Variants in CFAP77 observed in about 807,000 individuals in gnomAD.
The protein encoded by CFAP77 is cilia- and flagella-associated protein 77.
Under a neutral mutation model 31.1 loss-of-function variants are expected in CFAP77, and 25 were observed. The ratio of observed to expected loss-of-function variants is 0.80; its 90% confidence interval spans 0.59 to 1.12. The LOEUF (loss-of-function observed/expected upper bound fraction) is 1.12. Among genes scored for constraint, CFAP77 ranks in the 50% most tolerant of loss-of-function variants. The pLI is 0.00. For missense variants in CFAP77, 377 were observed against 397.3 expected (o/e 0.95, Z 0.44); for synonymous variants, 151 against 159.9 (o/e 0.94, Z 0.42).
intron 4 of CFAP77, among the ~76,000 whole-genome samples, chr9:132,542,257 G>A (rs1236161420): frequency 2.6e-5 from 4 of 152,168 alleles, no homozygotes; most frequent in Admixed American, 6.5e-5. Context: ...ATCCCCAGCC[G>A]CCTACGCCCC....
In CFAP77 at chr9:132,424,065, CT is replaced by C. The variant is rs1434887129; in HGVS notation, c.195+13600del. On this transcript the variant is annotated intron_variant, in intron 1 of 5. Coordinates refer to ENST00000393216, the MANE Select transcript of CFAP77 (RefSeq NM_001282957.2). This position sits in a 1 kb window ranked among gnomAD's most constrained non-coding sequence, Gnocchi z 4.1. ...ACGTGCACCTACGGCCAGAAGTTGA[CT>C]GCACAAGGCTGAAACCAATGCAGCC... Among the ~76,000 whole-genome samples, 1 of 152,174 alleles carries C rather than the reference CT, an allele frequency of 6.6e-6. No homozygotes were observed. Among genetic ancestry groups the C allele is most frequent in the Non-Finnish European group, 1.5e-5 (1 of 68,036 alleles).
intron 1 of CFAP77, among the ~76,000 whole-genome samples, chr9:132,436,694 A>G (rs1850510445): frequency 6.6e-6 from 1 of 152,192 alleles, no homozygotes; most frequent in Admixed American, 6.5e-5. Flanking sequence ...CCACCATTCC[A>G]CATTTGAAGC....
intron 1 of CFAP77, among the ~76,000 whole-genome samples, chr9:132,448,263 T>C (rs747537107): frequency 1.3e-5 from 2 of 152,092 alleles, no homozygotes; most frequent in Non-Finnish European, 2.9e-5. Context: ...CTGGGAAGGA[T>C]TGTGGCCTCA....
chr9:132,486,871 T>G (rs747366291), intron 1 of CFAP77, among the ~76,000 whole-genome samples: 1 of 152,252 alleles, frequency 6.6e-6, no homozygotes, highest in Non-Finnish European at 1.5e-5. Flanking sequence ...GGTGGGGCCC[T>G]GTCACCGTGA....
At chr9:132,479,567 C>T (rs1409309994) in intron 1 of CFAP77, among the ~76,000 whole-genome samples, 3 of 152,240 alleles carry the variant, frequency 2.0e-5, no homozygotes, top group Non-Finnish European at 4.4e-5. Context: ...CCAATCACCT[C>T]CCACCAGTGA....
At chr9:132,454,730 A>G (rs1850884381) in intron 1 of CFAP77, among the ~76,000 whole-genome samples, 3 of 152,230 alleles carry the variant, frequency 2.0e-5, no homozygotes, top group African/African-American at 7.2e-5. Context: ...GAGAAGGCAG[A>G]CATACCTATA....
chr9:132,558,596 T>G (rs969588906), intron 5 of CFAP77, among the ~76,000 whole-genome samples: 5 of 151,494 alleles, frequency 3.3e-5, no homozygotes, highest in Non-Finnish European at 7.4e-5. Flanking sequence ...TCCCAGCTAC[T>G]CAGGAGGCTG....
At chr9:132,423,294 G>A (rs1850255799) in intron 1 of CFAP77, among the ~76,000 whole-genome samples, 1 of 152,202 alleles carries the variant, frequency 6.6e-6, no homozygotes, top group South Asian at 2.1e-4. Context: ...GATGCTCACG[G>A]GTCTGACTTC....
In CFAP77 at chr9:132,480,580, G is replaced by T. The variant is rs907706634; in HGVS notation, c.196-18115G>T. 6.6e-6 allele frequency among the ~76,000 whole-genome samples: 1 copy of T among 152,222 alleles called. No individual in the cohort carries two copies. Among genetic ancestry groups the T allele is most frequent in the Non-Finnish European group, 1.5e-5 (1 of 68,032 alleles). ...CCCGTGCTCACCCAGCTGACCTGCC[G>T]CAGAGTGAGACGTGGCAGAAACCAC... On this transcript the variant is annotated intron_variant, in intron 1 of 5. Coordinates refer to ENST00000393216, the MANE Select transcript of CFAP77 (RefSeq NM_001282957.2). This position sits in a 1 kb window ranked among gnomAD's most constrained non-coding sequence, Gnocchi z 5.8.
chr9:132,546,499 GAAAT>G (rs1031084895), intron 5 of CFAP77, among the ~76,000 whole-genome samples: 6 of 152,208 alleles, frequency 3.9e-5, no homozygotes, highest in African/African-American at 1.4e-4. Flanking sequence ...AACTCTGTCA[GAAAT>G]AATTAAACAC....
rs889224444 is a variant in CFAP77 at position 132,554,895 on chromosome 9, T to G, written c.732+11848T>G. Among the ~76,000 whole-genome samples the G allele has an allele frequency of 6.6e-6, 1 of 151,590 alleles. No individual in the cohort carries two copies. Among genetic ancestry groups the G allele is most frequent in the African/African-American group, 2.4e-5 (1 of 41,212 alleles). On this transcript the variant is annotated intron_variant, in intron 5 of 5. Transcript: ENST00000393216. This position sits in a 1 kb window ranked among gnomAD's most constrained non-coding sequence, Gnocchi z 4.1. ...ATTCATTCATCTATCCAACCATCTA[T>G]CTATCCATCCATCTATGCATGCATG...
intron 1 of CFAP77, among the ~76,000 whole-genome samples, chr9:132,411,860 TACACAC>T (rs3079550): frequency 0.032 from 4,716 of 148,214 alleles, 157 homozygotes; most frequent in African/African-American, 0.083. Flanking sequence ...GAGCAATATG[TACACAC>T]ACACACACAC....
intron 1 of CFAP77, among the ~76,000 whole-genome samples, chr9:132,447,153 C>T (rs1850738345): frequency 6.6e-6 from 1 of 152,100 alleles, no homozygotes; most frequent in South Asian, 2.1e-4. Flanking sequence ...GATTCAGACC[C>T]CAGTCTGACT....
At chr9:132,519,366 GGGTGGATGGATGGATA>G (rs1852207918) in intron 3 of CFAP77, among the ~76,000 whole-genome samples, 1 of 147,848 alleles carries the variant, frequency 6.8e-6, no homozygotes, top group Non-Finnish European at 1.5e-5. Flanking sequence ...GTGGATGGTT[GGGTGGATGGATGGATA>G]GGTGGATGGA....
intron 1 of CFAP77, among the ~76,000 whole-genome samples, chr9:132,426,236 A>G (rs945405736): frequency 6.6e-6 from 1 of 152,234 alleles, no homozygotes; most frequent in Admixed American, 6.5e-5. Flanking sequence ...TGGCAAGGCA[A>G]ATTTTTCATA....
intron 5 of CFAP77, among the ~76,000 whole-genome samples, chr9:132,561,835 A>AGAAGGCAAGGAAAG (rs997951543): frequency 6.6e-6 from 1 of 152,164 alleles, no homozygotes; most frequent in African/African-American, 2.4e-5. Flanking sequence ...GGAGGCAGTA[A>AGAAGGCAAGGAAAG]GAAGGCAAGG....
rs1442603433 is a variant in CFAP77, at chr9:132,537,668, GCCA to G, written c.595_597del (p.Thr199del). On this transcript the variant is annotated inframe_deletion, in exon 4 of 6. Transcript: ENST00000393216. Reference sequence around the variant, plus strand: ...GCAGCTGTGGGTACAGGAACAAAAGGCCACCCAGAAAGCCATCAAACTGGAGAA... The same window carrying G: ...GCAGCTGTGGGTACAGGAACAAAAGGCCCAGAAAGCCATCAAACTGGAGAA... 2 of 1,613,526 alleles carry G rather than the reference GCCA, an allele frequency of 1.2e-6. No individual in the cohort carries two copies. The highest frequency in any genetic ancestry group is 2.2e-5 in the East Asian group (1 of 44,874).
At chr9:132,437,655 GCC>G (rs1564203731) in intron 1 of CFAP77, among the ~76,000 whole-genome samples, 4 of 151,362 alleles carry the variant, frequency 2.6e-5, no homozygotes, top group Non-Finnish European at 4.4e-5. Flanking sequence ...GACTACAGGC[GCC>G]CGCCAGCACA....
intron 1 of CFAP77, among the ~76,000 whole-genome samples, chr9:132,485,984 T>TCA: frequency 1.4e-5 from 1 of 73,234 alleles, no homozygotes; most frequent in African/African-American, 5.4e-5. Flanking sequence ...AACACACACC[T>TCA]CATATATATA....
Sources: gnomAD v4.1 joint callset for allele counts (sites outside exome capture counted in the v4.1 genomes callset) on GRCh38, gnomAD v4.1.1 for gene constraint, Gnocchi (gnomAD v3.1) non-coding constraint, MANE v1.5 for transcripts, NCBI Gene and HGNC (gene_info 2026-07-23, HGNC 2026-07-21) for gene names.